CRYBG1: variants seen among roughly 807,000 people sequenced by gnomAD.
CRYBG1 encodes the protein crystallin beta-gamma domain containing 1.
In CRYBG1, 139 loss-of-function variants were observed where a neutral mutation model predicts 189.2. The ratio of observed to expected loss-of-function variants is 0.73; its 90% CI spans 0.64 to 0.85. The LOEUF is 0.85. Ranked by LOEUF, CRYBG1 falls within the 40% of genes least tolerant of loss-of-function variation. The pLI is 0.00. For missense variants in CRYBG1, 2,611 were observed against 2,675.8 expected (o/e 0.98, Z 0.53); for synonymous variants, 1,023 against 1,017.1 (o/e 1.01, Z -0.11).
At chr6:106,461,261 C>G (rs1363683323) in intron 2 of CRYBG1, among the ~76,000 whole-genome samples, 10 of 152,158 alleles carry the variant, frequency 6.6e-5, no homozygotes, top group African/African-American at 2.4e-4. Context: ...TGGTAATCAC[C>G]CTGACCAGCT....
chr6:106,361,317 A>C (rs1218898630), intron 1 of CRYBG1, among the ~76,000 whole-genome samples: 1 of 152,224 alleles, frequency 6.6e-6, no homozygotes, highest in Non-Finnish European at 1.5e-5. Context: ...GTGCCCACGC[A>C]TGTGGCCTTT....
intron 2 of CRYBG1, among the ~76,000 whole-genome samples, chr6:106,470,705 G>T (rs1198469418): frequency 6.6e-6 from 1 of 152,150 alleles, no homozygotes; most frequent in Non-Finnish European, 1.5e-5. Context: ...CAAAGTAATT[G>T]ACACAGATGC....
intron 1 of CRYBG1, among the ~76,000 whole-genome samples, chr6:106,386,325 C>T (rs1297894923): frequency 6.6e-6 from 1 of 152,122 alleles, no homozygotes; most frequent in African/African-American, 2.4e-5. Flanking sequence ...TGTGAGCTTA[C>T]CAAAACTGTG....
chr6:106,505,829 A>G (rs9320170), intron 2 of CRYBG1, among the ~76,000 whole-genome samples: 6,519 of 152,134 alleles, frequency 0.043, 200 homozygotes, highest in Non-Finnish European at 0.063. Flanking sequence ...CCTATCATTT[A>G]CAGTAATATC....
intron 4 of CRYBG1, among the ~76,000 whole-genome samples, chr6:106,522,545 C>T (rs1213250725): frequency 6.6e-6 from 1 of 152,052 alleles, no homozygotes; most frequent in Admixed American, 6.6e-5. Flanking sequence ...TGTTACCAAG[C>T]TTATTTAAGG....
At chr6:106,555,630 A>G in intron 16 of CRYBG1, 138 bp from the exon 17 acceptor site, 1 of 1,080,624 alleles carries the variant, frequency 9.3e-7, no homozygotes, top group Non-Finnish European at 1.3e-6. Context: ...ATATATCCAA[A>G]TATTTTTGAA....
chr6:106,474,922 GTTC>G (rs764411346), intron 2 of CRYBG1, among the ~76,000 whole-genome samples: 1 of 152,112 alleles, frequency 6.6e-6, no homozygotes, highest in Non-Finnish European at 1.5e-5. Flanking sequence ...TTCCACTTAT[GTTC>G]TTATTTCCCT....
intron 16 of CRYBG1, among the ~76,000 whole-genome samples, chr6:106,555,202 A>C (rs888204792): frequency 6.6e-6 from 1 of 151,932 alleles, no homozygotes; most frequent in Non-Finnish European, 1.5e-5. Context: ...GAAAAAAAAA[A>C]AAAAGGCCCA....
intron 2 of CRYBG1, among the ~76,000 whole-genome samples, chr6:106,497,567 A>C (rs1363235539): frequency 3.9e-5 from 6 of 152,242 alleles, no homozygotes; most frequent in African/African-American, 1.2e-4. Flanking sequence ...GTGTGTGTGC[A>C]CACATGTGTG....
At chr6:106,459,275 C>T (rs756055197) in intron 2 of CRYBG1, among the ~76,000 whole-genome samples, 20 of 152,096 alleles carry the variant, frequency 1.3e-4, no homozygotes, top group African/African-American at 1.7e-4. Flanking sequence ...TATAAATATA[C>T]AGCAGCCAGT....
At chr6:106,395,290 T>A (rs1243367442) in intron 1 of CRYBG1, among the ~76,000 whole-genome samples, 1 of 151,434 alleles carries the variant, frequency 6.6e-6, no homozygotes, top group African/African-American at 2.4e-5. Context: ...TATACTTAGG[T>A]TTCTCTATTC....
intron 2 of CRYBG1, among the ~76,000 whole-genome samples, chr6:106,503,091 G>A (rs949849176): frequency 2.0e-5 from 3 of 152,118 alleles, no homozygotes; most frequent in Non-Finnish European, 2.9e-5. Context: ...GAACAGCGGC[G>A]GAAGTGGGCT....
intron 1 of CRYBG1, among the ~76,000 whole-genome samples, chr6:106,424,115 T>A (rs1302534507): frequency 2.6e-5 from 4 of 152,174 alleles, no homozygotes; most frequent in Non-Finnish European, 4.4e-5. Context: ...TGTCTCCACT[T>A]TTTGAAGTAA....
chr6:106,363,441 A>C, intron 1 of CRYBG1, among the ~76,000 whole-genome samples: 1 of 152,150 alleles, frequency 6.6e-6, no homozygotes, highest in East Asian at 1.9e-4. Flanking sequence ...ATCTTTATAA[A>C]TATTTCATTT....
chr6:106,505,230 G>A (rs1309404454), intron 2 of CRYBG1, among the ~76,000 whole-genome samples: 2 of 152,086 alleles, frequency 1.3e-5, no homozygotes, highest in African/African-American at 2.4e-5. Context: ...AAGTAGCTGG[G>A]ACTACAGGCA....
At chr6:106,527,890 G>T (rs907796795) in intron 7 of CRYBG1, among the ~76,000 whole-genome samples, 31 of 151,822 alleles carry the variant, frequency 2.0e-4, no homozygotes, top group African/African-American at 7.3e-4. Context: ...ATTAACTCTG[G>T]GATTTCATGT....
intron 1 of CRYBG1, among the ~76,000 whole-genome samples, chr6:106,432,832 T>TTTTC (rs1026046019): frequency 1.0e-4 from 13 of 129,054 alleles, no homozygotes; most frequent in Admixed American, 6.6e-4. Flanking sequence ...TTTCTTTTTC[T>TTTTC]TTTCTTTCTT....
At chr6:106,560,555 C>T (rs968839) in intron 18 of CRYBG1, among the ~76,000 whole-genome samples, 143,626 of 152,258 alleles carry the variant, frequency 0.94, 68,297 homozygotes, top group East Asian at 1. Flanking sequence ...CACTGCTTTA[C>T]GGAGGAAAAA....
Position 106,451,769 on chromosome 6 carries a change from G to C in CRYBG1, c.249G>C (p.Gln83His). The change falls in exon 2 of 22, where the codon CAG becomes CAC. Residue 83 changes from glutamine (Q) to histidine (H), a missense_variant. This residue lies in a region of CRYBG1 where 985 missense variants were observed against 924.4 expected (regional missense o/e 1.07). Transcript: ENST00000633556. ...TTCCACTGCACTGTGGGGAATCCCA[G>C]TTCTTCCACACCACCAGTGAGGCGC... ...QEFPLHCGES[Q>H]FFHTTSEALG... 1 of 1,535,012 alleles carries C rather than the reference G, an allele frequency of 6.5e-7. No homozygotes were observed. Among genetic ancestry groups the C allele is most frequent in the Non-Finnish European group, 8.7e-7 (1 of 1,146,486 alleles).
Sources: gnomAD v4.1 joint callset for allele counts (sites outside exome capture counted in the v4.1 genomes callset) on GRCh38, gnomAD v4.1.1 for gene constraint, gnomAD v4.1.1 regional missense constraint, MANE v1.5 for transcripts, NCBI Gene and HGNC (gene_info 2026-07-23, HGNC 2026-07-21) for gene names.